TRIM49: variants seen among roughly 807,000 people sequenced by gnomAD.
TRIM49 encodes the protein tripartite motif containing 49.
A neutral mutation model predicts 27.4 loss-of-function variants in TRIM49; 5 were observed. The ratio of observed to expected loss-of-function variants is 0.18; its 90% CI spans 0.10 to 0.38. The LOEUF is 0.38. Ranked by LOEUF, TRIM49 falls within the 10% of genes least tolerant of loss-of-function variation. TRIM49 has a pLI of 1.00. For missense variants in TRIM49, 188 were observed against 487.5 expected, an observed-to-expected ratio of 0.39 and a Z score of 5.79; for synonymous variants, 69 against 166.0, an observed-to-expected ratio of 0.42 and a Z score of 4.49.
the TRIM49 span, among the ~76,000 whole-genome samples, chr11:89,775,718 T>C: frequency 7.5e-6 from 1 of 133,638 alleles, no homozygotes; most frequent in South Asian, 2.3e-4. Context: ...TTTCCTAAAT[T>C]AAAAATAATA....
intron 2 of TRIM49, among the ~76,000 whole-genome samples, chr11:89,805,837 G>A (rs1310466863): frequency 1.3e-5 from 2 of 148,998 alleles, no homozygotes; most frequent in East Asian, 2.0e-4. Context: ...CCTGCATCAG[G>A]TTCCCAAGTA....
chr11:89,794,154 TA>T (rs1464301530), downstream of TRIM49, among the ~76,000 whole-genome samples: 1 of 124,484 alleles, frequency 8.0e-6, no homozygotes, highest in Non-Finnish European at 1.7e-5. Context: ...TCAAAGAGAA[TA>T]AAATACCTAG....
the TRIM49 span, among the ~76,000 whole-genome samples, chr11:89,792,279 C>T: frequency 6.7e-6 from 1 of 148,954 alleles, no homozygotes; most frequent in South Asian, 2.2e-4. Context: ...ACTTAGACTC[C>T]CACACAGTAA....
At chr11:89,785,072 A>G in the TRIM49 span, among the ~76,000 whole-genome samples, 1 of 148,992 alleles carries the variant, frequency 6.7e-6, no homozygotes, top group African/African-American at 2.6e-5. Flanking sequence ...TTTATCCCTA[A>G]AAGAAGTTAT....
In TRIM49 at chr11:89,804,284, T is replaced by G. The variant is rs771355659; in HGVS notation, c.186A>C (p.Ile62=). Residue 62 remains isoleucine (I), a synonymous_variant, in exon 3 of 8, where the codon ATA becomes ATC. Coordinates refer to ENST00000329758, the MANE Select transcript of TRIM49 (RefSeq NM_020358.2). ...TCAAATGAATGTTGGTTTTGAGGTTTATCTGCTCGGTTGACTTTGTGCATT... is the reference window on the plus strand; with the variant it reads ...TCAAATGAATGTTGGTTTTGAGGTTGATCTGCTCGGTTGACTTTGTGCATT... ...CSECTKSTEQ[I]NLKTNIHLKK... 1.1e-5 allele frequency: 18 copies of G among 1,612,052 alleles called. No individual in the cohort carries two copies. The highest frequency in any genetic ancestry group is 1.5e-5 in the Non-Finnish European group (18 of 1,179,204).
chr11:89,793,503 A>C (rs1256360405), downstream of TRIM49, among the ~76,000 whole-genome samples: 1 of 152,208 alleles, frequency 6.6e-6, no homozygotes, highest in East Asian at 1.9e-4. Flanking sequence ...TGACAAACAG[A>C]ATCCAGCAGC....
chr11:89,782,035 C>T, the TRIM49 span: 4 of 1,525,328 alleles, frequency 2.6e-6, 1 homozygote, highest in Middle Eastern at 1.8e-4. Context: ...AAGCATTCAC[C>T]TCCGGCAAGC....
chr11:89,795,574 C>T (rs1396344742), downstream of TRIM49, among the ~76,000 whole-genome samples: 8 of 103,508 alleles, frequency 7.7e-5, no homozygotes, highest in Non-Finnish European at 1.4e-4. Context: ...AGGATGAGCT[C>T]GTGTCCTTTG....
At chr11:89,804,929 A>G (rs1370637092) in intron 2 of TRIM49, among the ~76,000 whole-genome samples, 2 of 151,146 alleles carry the variant, frequency 1.3e-5, no homozygotes, top group East Asian at 3.9e-4. Flanking sequence ...ACATATTTTT[A>G]TAGAGAGTCA....
At chr11:89,793,567 G>GACATGAGACTATTCATA (rs1302736233), downstream of TRIM49, among the ~76,000 whole-genome samples, 42 of 151,924 alleles carry the variant, frequency 2.8e-4, 1 homozygote, top group East Asian at 3.8e-3. Context: ...TGGGATCCAA[G>GACATGAGACTATTCATA]GCTGGTTCAA....
downstream of TRIM49, among the ~76,000 whole-genome samples, chr11:89,794,458 G>A (rs1188416408): frequency 1.3e-5 from 2 of 151,182 alleles, no homozygotes; most frequent in Admixed American, 6.6e-5. Flanking sequence ...GAACAAAGCT[G>A]GAGGCATCAC....
chr11:89,768,491 C>G, the TRIM49 span, among the ~76,000 whole-genome samples: 1 of 133,432 alleles, frequency 7.5e-6, no homozygotes, highest in South Asian at 2.3e-4. Context: ...TGCCTCTCTC[C>G]CTATTTGCCA....
At chr11:89,793,563 C>A (rs375765440), downstream of TRIM49, among the ~76,000 whole-genome samples, 22 of 152,038 alleles carry the variant, frequency 1.4e-4, no homozygotes, top group Non-Finnish European at 2.9e-4. Flanking sequence ...TCCCTGGGAT[C>A]CAAGGCTGGT....
chr11:89,790,433 G>A, the TRIM49 span, among the ~76,000 whole-genome samples: 1 of 151,268 alleles, frequency 6.6e-6, no homozygotes, highest in Non-Finnish European at 1.5e-5. Flanking sequence ...CAGAGTTTGA[G>A]ATCTGAGAAC....
At chr11:89,807,631 TA>T (rs1181330557) in intron 1 of TRIM49, among the ~76,000 whole-genome samples, 3 of 150,654 alleles carry the variant, frequency 2.0e-5, no homozygotes, top group African/African-American at 7.4e-5. Flanking sequence ...GAATTCCAAG[TA>T]ATCCTCCTGC....
chr11:89,790,418 C>T, the TRIM49 span, among the ~76,000 whole-genome samples: 578 of 150,826 alleles, frequency 3.8e-3, no homozygotes, highest in Non-Finnish European at 5.5e-3. Context: ...GTGGTTCTCC[C>T]AGCACAGAGT....
chr11:89,778,322 A>G, the TRIM49 span, among the ~76,000 whole-genome samples: 1 of 152,042 alleles, frequency 6.6e-6, no homozygotes, highest in Admixed American at 6.6e-5. Flanking sequence ...GATGAAAGAA[A>G]TAGAATAGTA....
chr11:89,769,616 G>A, the TRIM49 span, among the ~76,000 whole-genome samples: 1 of 126,316 alleles, frequency 7.9e-6, no homozygotes, highest in Non-Finnish European at 1.6e-5. Flanking sequence ...ATAGAGCAAA[G>A]GTCCCAGGAG....
In TRIM49 at chr11:89,804,132, A is replaced by C; in HGVS notation, c.338T>G (p.Leu113Trp). 6.2e-7 allele frequency: 1 copy of C among 1,605,516 alleles called. No individual in the cohort carries two copies. ...FCEVDRSLLC[L>W]LCSSSQEHRY... is the part of the protein sequence containing the mutation. Reference sequence around the variant, plus strand: ...GTGCTCCTGAGAGCTGGAGCACAGCAAACAGAGCAGGCTCCTGTCCACTTC... The same window carrying C: ...GTGCTCCTGAGAGCTGGAGCACAGCCAACAGAGCAGGCTCCTGTCCACTTC... The change falls in exon 3 of 8, where the codon TTG becomes TGG. Residue 113 changes from leucine (L) to tryptophan (W), a missense_variant. Around this residue, in one of 6 missense-constraint regions of TRIM49, gnomAD observed 21 missense variants for 71.4 expected, o/e 0.29. Transcript: ENST00000329758.
Sources: allele counts gnomAD v4.1 joint callset (sites outside exome capture counted in the v4.1 genomes callset), GRCh38; gene constraint gnomAD v4.1.1; regional missense constraint gnomAD v4.1.1; transcripts MANE v1.5; gene names NCBI Gene and HGNC (gene_info 2026-07-23, HGNC 2026-07-21).